PVALB: variants seen among roughly 807,000 people sequenced by gnomAD.
PVALB encodes parvalbumin.
PVALB carries 11 observed loss-of-function variants against 10.9 expected under a neutral mutation model. The observed-to-expected ratio is 1.01, with a 90% CI of 0.63 to 1.67. The LOEUF is 1.67. Among genes scored for constraint, PVALB ranks in the 40% most tolerant of loss-of-function variants. PVALB has a pLI of 0.00. For synonymous variants in PVALB, 57 were observed against 50.7 expected, an observed-to-expected ratio of 1.12 and a Z score of -0.53; for missense variants, 131 against 136.2, an observed-to-expected ratio of 0.96 and a Z score of 0.19.
chr22:36,804,859 G>C (rs1451925981), intron 3 of PVALB, among the ~76,000 whole-genome samples: 1 of 152,154 alleles, frequency 6.6e-6, no homozygotes. Context: ...GCTTGAACCC[G>C]GGAGGTGGAG....
At chr22:36,810,480 G>A (rs140242911) in intron 3 of PVALB, among the ~76,000 whole-genome samples, 1 of 152,318 alleles carries the variant, frequency 6.6e-6, no homozygotes, top group African/African-American at 2.4e-5. Context: ...ATGAAGTGTG[G>A]GGCCCCAGTG....
intron 3 of PVALB, among the ~76,000 whole-genome samples, chr22:36,811,107 C>T (rs908819516): frequency 3.3e-5 from 5 of 152,126 alleles, no homozygotes; most frequent in African/African-American, 7.2e-5. Context: ...GAAACCTCGT[C>T]TCTACTAAAA....
chr22:36,813,416 A>ACAG (rs1939077991), intron 3 of PVALB: 1 of 502,786 alleles, frequency 2.0e-6, no homozygotes, highest in Non-Finnish European at 3.5e-6. Context: ...AGCAGGAAAA[A>ACAG]CAGAATCTAT....
chr22:36,807,782 C>T lies in PVALB; in HGVS notation c.304+5864G>A, dbSNP rs371065221. On this transcript the variant is annotated intron_variant, in intron 3 of 3. Coordinates refer to ENST00000417718, the MANE Select transcript of PVALB (RefSeq NM_001315532.2). ...CCTGACTCAGGTGCTCCACCACAGC[C>T]CAAGGCCTTACGCTACCACTCCGCC... Among the ~76,000 whole-genome samples the T allele has an allele frequency of 1.6e-3, 246 of 152,270 alleles. 4 individuals are homozygous for T. Among genetic ancestry groups the T allele is most frequent in the African/African-American group, 5.8e-3 (241 of 41,530 alleles).
chr22:36,809,123 T>C (rs946594114), intron 3 of PVALB, among the ~76,000 whole-genome samples: 1 of 152,206 alleles, frequency 6.6e-6, no homozygotes, highest in Non-Finnish European at 1.5e-5. Context: ...AGTCCCTGGT[T>C]TGGGCTCCCT....
At chr22:36,806,075 G>T (rs753725122) in intron 3 of PVALB, among the ~76,000 whole-genome samples, 18 of 151,998 alleles carry the variant, frequency 1.2e-4, no homozygotes, top group Non-Finnish European at 2.2e-4. Context: ...AGATAATGGA[G>T]AAGGAGTGCC....
rs550543372 is a variant in PVALB, at chr22:36,815,745, G to A, written c.62-510C>T. On this transcript the variant is annotated intron_variant, in intron 1 of 3. Coordinates refer to ENST00000417718, the MANE Select transcript of PVALB (RefSeq NM_001315532.2). ...CCCTCAAGGTCATACAGTGGGAGGA[G>A]GAGGGGCAAACCCGGAAGTCCTGGC... Among the ~76,000 whole-genome samples, 32 of 152,260 alleles carry A rather than the reference G, an allele frequency of 2.1e-4. 1 individual carries two copies. Among genetic ancestry groups the A allele is most frequent in the Admixed American group, 1.8e-3 (27 of 15,294 alleles).
At chr22:36,810,188 C>T (rs1939024658) in intron 3 of PVALB, among the ~76,000 whole-genome samples, 1 of 152,046 alleles carries the variant, frequency 6.6e-6, no homozygotes, top group East Asian at 1.9e-4. Context: ...CGGCATGCCC[C>T]ATGGTTTTAA....
intron 3 of PVALB, among the ~76,000 whole-genome samples, chr22:36,805,520 C>T (rs1421002682): frequency 6.6e-6 from 1 of 152,200 alleles, no homozygotes; most frequent in African/African-American, 2.4e-5. Context: ...TGTTTGTCTC[C>T]ATGATCCCAG....
chr22:36,814,419 T>C (rs1601523940), intron 2 of PVALB, among the ~76,000 whole-genome samples: 1 of 152,104 alleles, frequency 6.6e-6, no homozygotes, highest in Non-Finnish European at 1.5e-5. Flanking sequence ...AAGTCCCTAC[T>C]TGAAAGGCCT....
chr22:36,818,845 G>A (rs549761858), upstream of PVALB: 1 of 152,496 alleles, frequency 6.6e-6, no homozygotes, highest in African/African-American at 2.4e-5. Flanking sequence ...GACTCTCTGG[G>A]TGATCCTCCC....
chr22:36,808,613 T>G (rs1668129991), intron 3 of PVALB, among the ~76,000 whole-genome samples: 1 of 152,168 alleles, frequency 6.6e-6, no homozygotes, highest in Non-Finnish European at 1.5e-5. Context: ...TTGTAAGAAA[T>G]GCAAAAGTGT....
intron 3 of PVALB, among the ~76,000 whole-genome samples, chr22:36,809,673 C>A (rs985625989): frequency 6.6e-6 from 1 of 152,086 alleles, no homozygotes; most frequent in Admixed American, 6.5e-5. Context: ...AAGCACGGTG[C>A]CTGGCACATA....
chr22:36,817,673 G>T (rs1055465100), upstream of PVALB, among the ~76,000 whole-genome samples: 2 of 152,186 alleles, frequency 1.3e-5, no homozygotes, highest in African/African-American at 4.8e-5. Flanking sequence ...CCCACATCTG[G>T]CCAGGGATGC....
intron 1 of PVALB, 73 bp from the exon 2 acceptor site, chr22:36,815,308 C>G (rs929898875): frequency 2.5e-6 from 4 of 1,579,972 alleles, no homozygotes; most frequent in Admixed American, 1.7e-5. Flanking sequence ...TGGGGGGCAT[C>G]AAGGCATTTG....
intron 2 of PVALB, among the ~76,000 whole-genome samples, chr22:36,814,300 T>C (rs1057054809): frequency 4.4e-5 from 4 of 90,978 alleles, no homozygotes; most frequent in African/African-American, 1.6e-4. Flanking sequence ...TGTGTGTGTG[T>C]GTGTGCATAA....
At chr22:36,811,873 C>A (rs1265146448) in intron 3 of PVALB, among the ~76,000 whole-genome samples, 1 of 152,080 alleles carries the variant, frequency 6.6e-6, no homozygotes, top group East Asian at 1.9e-4. Flanking sequence ...ATACCCTCTG[C>A]TCCACTCCTT....
chr22:36,801,352 C>T (rs1298100391), intron 3 of PVALB, among the ~76,000 whole-genome samples: 1 of 152,172 alleles, frequency 6.6e-6, no homozygotes, highest in Non-Finnish European at 1.5e-5. Flanking sequence ...GCTCAGGGTC[C>T]TGATTTCTGG....
intron 3 of PVALB, chr22:36,813,317 GT>G: frequency 4.0e-6 from 1 of 250,734 alleles, no homozygotes; most frequent in East Asian, 8.1e-5. Flanking sequence ...CACACAGCCA[GT>G]TTGGGCAGAG....
Sources: gnomAD v4.1 joint callset for allele counts (sites outside exome capture counted in the v4.1 genomes callset) on GRCh38, gnomAD v4.1.1 for gene constraint, MANE v1.5 for transcripts, NCBI Gene and HGNC (gene_info 2026-07-23, HGNC 2026-07-21) for gene names.